The following AGBL1 variants were observed in gnomAD, a reference collection of about 807,000 sequenced individuals.
The protein encoded by AGBL1 is AGBL carboxypeptidase 1.
AGBL1 carries 130 observed loss-of-function variants against 118.9 expected under a neutral mutation model. The ratio of observed to expected loss-of-function variants is 1.09; its 90% CI spans 0.95 to 1.26. The LOEUF (loss-of-function observed/expected upper bound fraction) is 1.26. Among genes scored for constraint, AGBL1 ranks in the 50% most tolerant of loss-of-function variants. The pLI, the probability that AGBL1 is intolerant of heterozygous loss-of-function variation, is 0.00. For synonymous variants in AGBL1, 555 were observed against 478.9 expected (o/e 1.16, Z -2.08); for missense variants, 1,584 against 1,298.1 (o/e 1.22, Z -3.38).
intron 18 of AGBL1, among the ~76,000 whole-genome samples, chr15:86,441,367 A>G (rs560003596): frequency 4.6e-5 from 7 of 152,228 alleles, no homozygotes; most frequent in Non-Finnish European, 8.8e-5. Flanking sequence ...TATGGAAAAC[A>G]AAAAAAATTC....
intron 5 of AGBL1, among the ~76,000 whole-genome samples, chr15:86,210,199 G>C (rs1356241531): frequency 6.6e-6 from 1 of 152,120 alleles, no homozygotes; most frequent in Non-Finnish European, 1.5e-5. Flanking sequence ...TAGTCTGATG[G>C]GCTTCCCTTT....
chr15:86,745,100 T>TAAGG (rs2077736620), intron 22 of AGBL1, among the ~76,000 whole-genome samples: 1 of 152,094 alleles, frequency 6.6e-6, no homozygotes, highest in Non-Finnish European at 1.5e-5. Flanking sequence ...CTTATATATG[T>TAAGG]AGCACCAAAA....
rs2080292114 is a variant in AGBL1, at chr15:86,907,170, A to G, written c.3242A>G (p.Asn1081Ser). The change falls in exon 23 of 23, where the codon AAC becomes AGC. Residue 1081 changes from asparagine to serine, a missense_variant. By Grantham distance (46) the Asn-to-Ser change is conservative. Transcript: ENST00000614907. Reference protein sequence around the residue: ...CLEEIDYSTDNSSDQEGSLSE... With the variant: ...CLEEIDYSTDSSSDQEGSLSE... ...GAGGAGATTGATTACAGTACCGACA[A>G]CAGCTCAGACCAGGAAGGGAGCTTG... 6.6e-6 allele frequency: 1 copy of G among 152,188 alleles called. No individual in the cohort carries two copies. Among genetic ancestry groups the G allele is most frequent in the Non-Finnish European group, 1.5e-5 (1 of 68,112 alleles). The allele number at this position is 152,188 out of a possible 1,614,324, so 9.4% of individuals were successfully genotyped here.
intron 23 of AGBL1, among the ~76,000 whole-genome samples, chr15:86,941,086 C>T (rs144323112): frequency 6.6e-6 from 1 of 152,254 alleles, no homozygotes; most frequent in African/African-American, 2.4e-5. Flanking sequence ...CTCTTTGGTC[C>T]TATGCGTGCT....
chr15:86,223,831 C>T (rs973656682), intron 5 of AGBL1, among the ~76,000 whole-genome samples: 4 of 152,172 alleles, frequency 2.6e-5, no homozygotes, highest in African/African-American at 9.7e-5. Context: ...TTTCATTTAT[C>T]TTCCTTTTTA....
At chr15:86,680,569 T>TTTC (rs2085935820) in intron 22 of AGBL1, among the ~76,000 whole-genome samples, 1 of 137,952 alleles carries the variant, frequency 7.2e-6, no homozygotes, top group African/African-American at 2.7e-5. Context: ...TCTTTTCTTT[T>TTTC]TTTTTTTTTT....
intron 22 of AGBL1, among the ~76,000 whole-genome samples, chr15:86,781,100 TTTG>T (rs1179203764): frequency 6.6e-6 from 1 of 152,238 alleles, no homozygotes; most frequent in Non-Finnish European, 1.5e-5. Context: ...TTTGTATTTA[TTTG>T]TTAATTCTGT....
At chr15:86,498,569 A>T (rs1489173694) in intron 18 of AGBL1, among the ~76,000 whole-genome samples, 1 of 151,940 alleles carries the variant, frequency 6.6e-6, no homozygotes, top group Non-Finnish European at 1.5e-5. Flanking sequence ...TTATGAGTAG[A>T]TGGAAACCCT....
Position 86,611,315 on chromosome 15 carries a change from A to G in AGBL1, c.2994+56778A>G, listed in dbSNP as rs76063404. On this transcript the variant is annotated intron_variant, in intron 21 of 22. Coordinates refer to ENST00000614907, the MANE Select transcript of AGBL1 (RefSeq NM_001386094.1). ...AAGAGTGTCACCAATATATTTGCAT[A>G]TTTGCGATGTGCAGCCATCTTAAAT... Among the ~76,000 whole-genome samples the G allele has an allele frequency of 4.7e-3, 715 of 152,308 alleles. 15 individuals carry two copies. The highest frequency in any genetic ancestry group is 0.037 in the East Asian group (193 of 5,176).
At chr15:86,088,939 T>A (rs1212168840) in intron 1 of AGBL1, among the ~76,000 whole-genome samples, 1 of 152,192 alleles carries the variant, frequency 6.6e-6, no homozygotes, top group African/African-American at 2.4e-5. Context: ...TCTGTCTTGC[T>A]TACTCTTTTT....
At chr15:86,507,616 G>C (rs560501352) in intron 18 of AGBL1, among the ~76,000 whole-genome samples, 1 of 152,182 alleles carries the variant, frequency 6.6e-6, no homozygotes, top group South Asian at 2.1e-4. Context: ...GTAATGAGCA[G>C]GTGAAAGGTG....
chr15:86,209,804 G>A (rs886394015), intron 5 of AGBL1, among the ~76,000 whole-genome samples: 1 of 152,088 alleles, frequency 6.6e-6, no homozygotes, highest in African/African-American at 2.4e-5. Context: ...GGGGCATTTA[G>A]CCCATTTACA....
chr15:86,392,145 T>C (rs1275392934), intron 17 of AGBL1, among the ~76,000 whole-genome samples: 1 of 152,226 alleles, frequency 6.6e-6, no homozygotes, highest in East Asian at 1.9e-4. Flanking sequence ...ATAGATACCT[T>C]TGTATAAATT....
intron 4 of AGBL1, among the ~76,000 whole-genome samples, chr15:86,155,929 T>A (rs1313876745): frequency 6.6e-6 from 1 of 152,184 alleles, no homozygotes; most frequent in Non-Finnish European, 1.5e-5. Context: ...TTAATTTTTT[T>A]TTATTTTTTT....
At chr15:86,828,174 C>T (rs2079058134) in intron 22 of AGBL1, among the ~76,000 whole-genome samples, 1 of 151,486 alleles carries the variant, frequency 6.6e-6, no homozygotes, top group African/African-American at 2.4e-5. Flanking sequence ...AAATCCTGGG[C>T]TCAAGAGATC....
chr15:86,359,090 A>G (rs1596012181), intron 17 of AGBL1, among the ~76,000 whole-genome samples: 1 of 151,894 alleles, frequency 6.6e-6, no homozygotes, highest in East Asian at 1.9e-4. Flanking sequence ...TCCAAAAGTC[A>G]TCACCCAGGC....
At chr15:86,446,038 G>A (rs1310015700) in intron 18 of AGBL1, among the ~76,000 whole-genome samples, 1 of 152,188 alleles carries the variant, frequency 6.6e-6, no homozygotes, top group Non-Finnish European at 1.5e-5. Context: ...GAGACTGGTA[G>A]ACAGTGGCTG....
chr15:86,889,131 C>G (rs1408902054), intron 22 of AGBL1, among the ~76,000 whole-genome samples: 1 of 151,976 alleles, frequency 6.6e-6, no homozygotes, highest in African/African-American at 2.4e-5. Context: ...TCATTCCTGA[C>G]CTTTCCCATG....
At chr15:86,323,641 T>C (rs1817412736) in intron 17 of AGBL1, among the ~76,000 whole-genome samples, 1 of 152,314 alleles carries the variant, frequency 6.6e-6, no homozygotes, top group South Asian at 2.1e-4. Context: ...AAATGTGGTT[T>C]AAGTGGTCTT....
Sources: allele counts gnomAD v4.1 joint callset (sites outside exome capture counted in the v4.1 genomes callset), GRCh38; gene constraint gnomAD v4.1.1; transcripts MANE v1.5; gene names NCBI Gene and HGNC (gene_info 2026-07-23, HGNC 2026-07-21).